Variants in CDH4 observed in about 807,000 individuals in gnomAD.
CDH4 encodes the protein cadherin-4.
A neutral mutation model predicts 86.0 loss-of-function variants in CDH4; 33 were observed. That is an observed-to-expected ratio of 0.38 (90% CI 0.29 to 0.51). The LOEUF (loss-of-function observed/expected upper bound fraction) is 0.51. Ranked by LOEUF, CDH4 falls within the 20% of genes least tolerant of loss-of-function variation. CDH4 has a pLI of 0.86. For synonymous variants in CDH4, 555 were observed against 549.4 expected, an observed-to-expected ratio of 1.01 and a Z score of -0.14; for missense variants, 1,114 against 1,307.4, an observed-to-expected ratio of 0.85 and a Z score of 2.28.
chr20:61,293,377 GT>G (rs2084334218), intron 2 of CDH4, among the ~76,000 whole-genome samples: 1 of 152,076 alleles, frequency 6.6e-6, no homozygotes, highest in Non-Finnish European at 1.5e-5. Flanking sequence ...CCGGTATCTG[GT>G]CCCATGGGTT....
intron 2 of CDH4, among the ~76,000 whole-genome samples, chr20:61,466,861 A>G (rs757630246): frequency 2.0e-5 from 3 of 148,944 alleles, no homozygotes; most frequent in South Asian, 2.2e-4. Context: ...AAATAAATAA[A>G]TAACAAATAA....
intron 2 of CDH4, among the ~76,000 whole-genome samples, chr20:61,364,675 C>A (rs1040852769): frequency 1.3e-5 from 2 of 152,190 alleles, no homozygotes; most frequent in African/African-American, 4.8e-5. Context: ...CAAAGTTGTG[C>A]TTTTTTAAAC....
At chr20:61,514,398 A>G (rs1444968720) in intron 2 of CDH4, among the ~76,000 whole-genome samples, 1 of 150,996 alleles carries the variant, frequency 6.6e-6, no homozygotes, top group Non-Finnish European at 1.5e-5. Context: ...TCTGAAAAAC[A>G]GTTCAGGGAT....
chr20:61,740,665 C>A (rs2145938912), intron 2 of CDH4: 1 of 152,424 alleles, frequency 6.6e-6, no homozygotes, highest in Admixed American at 6.5e-5. Flanking sequence ...CGTATCGTGA[C>A]CTTTGTCCCT....
chr20:61,484,700 C>T (rs2085586448), intron 2 of CDH4, among the ~76,000 whole-genome samples: 1 of 152,162 alleles, frequency 6.6e-6, no homozygotes, highest in Non-Finnish European at 1.5e-5. Context: ...CATCGGATCC[C>T]TAAGACCAGC....
At chr20:61,641,613 A>C (rs2087011148) in intron 2 of CDH4, among the ~76,000 whole-genome samples, 1 of 151,998 alleles carries the variant, frequency 6.6e-6, no homozygotes, top group African/African-American at 2.4e-5. Context: ...TTGGGATCAG[A>C]TGGGGCTGCC....
chr20:61,902,855 T>C lies in CDH4; in HGVS notation c.1189-7567T>C, dbSNP rs931039194. On this transcript the variant is annotated intron_variant, in intron 8 of 15. Transcript: ENST00000614565. This position sits in a 1 kb window ranked among gnomAD's most constrained non-coding sequence, Gnocchi z 4.6. ...TCACCACCTGTCTCAGAGAGCTGAT[T>C]AAAAATCTCACACCACACACAGCAG... Among the ~76,000 whole-genome samples the C allele has an allele frequency of 6.6e-6, 1 of 151,952 alleles. No homozygotes were observed. Among genetic ancestry groups the C allele is most frequent in the Non-Finnish European group, 1.5e-5 (1 of 67,986 alleles).
At chr20:61,602,710 A>AAC (rs1206306737) in intron 2 of CDH4, among the ~76,000 whole-genome samples, 1 of 150,774 alleles carries the variant, frequency 6.6e-6, no homozygotes, top group Non-Finnish European at 1.5e-5. Flanking sequence ...AAAAAAAAAA[A>AAC]AAAAAAAAAA....
intron 4 of CDH4, among the ~76,000 whole-genome samples, chr20:61,792,952 GTGTTTTTTT>G (rs1979283451): frequency 7.6e-6 from 1 of 131,406 alleles, no homozygotes; most frequent in Non-Finnish European, 1.7e-5. Flanking sequence ...CCTGGCCTAT[GTGTTTTTTT>G]TGTTTTTGTT....
chr20:61,855,511 C>T (rs958501920), intron 6 of CDH4, among the ~76,000 whole-genome samples: 3 of 152,208 alleles, frequency 2.0e-5, no homozygotes, highest in Non-Finnish European at 2.9e-5. Context: ...AGGCCAGGCA[C>T]ACTCCTCACA....
Position 61,659,530 on chromosome 20 carries a change from A to G in CDH4, c.170-84033A>G, listed in dbSNP as rs529317563. On this transcript the variant is annotated intron_variant, in intron 2 of 15. Transcript: ENST00000614565. ...AGCGAAGGGTCTCAGCGGCTTGGAG[A>G]CAGGAGGAGGGTGGGCCTCAGGCAT... 8.8e-4 allele frequency among the ~76,000 whole-genome samples: 132 copies of G among 149,204 alleles called. 1 individual carries two copies. Among genetic ancestry groups the G allele is most frequent in the African/African-American group, 2.8e-3 (114 of 40,262 alleles).
chr20:61,325,098 G>A (rs1471970739), intron 2 of CDH4, among the ~76,000 whole-genome samples: 3 of 152,090 alleles, frequency 2.0e-5, no homozygotes, highest in East Asian at 3.9e-4. Context: ...GGGCTATGTG[G>A]ATGTGAGACA....
chr20:61,724,291 A>G (rs991246295), intron 2 of CDH4, among the ~76,000 whole-genome samples: 4 of 152,194 alleles, frequency 2.6e-5, no homozygotes, highest in Non-Finnish European at 4.4e-5. Context: ...TTACCGTGCC[A>G]GCAGCAGGGC....
intron 7 of CDH4, among the ~76,000 whole-genome samples, chr20:61,874,680 T>C (rs903152086): frequency 1.3e-5 from 2 of 152,154 alleles, no homozygotes; most frequent in African/African-American, 2.4e-5. Context: ...CAGCAGCACC[T>C]TGAGTCCCCA....
At chr20:61,646,311 C>T (rs952858752) in intron 2 of CDH4, among the ~76,000 whole-genome samples, 1 of 152,196 alleles carries the variant, frequency 6.6e-6, no homozygotes, top group Non-Finnish European at 1.5e-5. Flanking sequence ...GGCCATCTTC[C>T]GTGAGTGTTT....
chr20:61,630,162 C>A (rs1234461802), intron 2 of CDH4, among the ~76,000 whole-genome samples: 1 of 152,234 alleles, frequency 6.6e-6, no homozygotes, highest in Non-Finnish European at 1.5e-5. Flanking sequence ...TCTTGGACCT[C>A]AGCCACCATC....
chr20:61,292,655 G>T (rs1323554242), intron 2 of CDH4, among the ~76,000 whole-genome samples: 2 of 152,272 alleles, frequency 1.3e-5, no homozygotes, highest in Non-Finnish European at 2.9e-5. Context: ...CTGAGCCTTG[G>T]AAGTGCGGCC....
chr20:61,847,255 A>C (rs1013047507), intron 5 of CDH4, among the ~76,000 whole-genome samples: 8 of 152,224 alleles, frequency 5.3e-5, no homozygotes, highest in African/African-American at 1.4e-4. Context: ...GGGGACCTCC[A>C]GGGCCACCAC....
chr20:61,255,084 C>A, intron 2 of CDH4, 147 bp downstream of exon 2: 1 of 621,462 alleles, frequency 1.6e-6, no homozygotes, highest in Non-Finnish European at 2.9e-6. Context: ...AATTGGTTGA[C>A]CTGAAAGGCG....
Sources: gnomAD v4.1 joint callset for allele counts (sites outside exome capture counted in the v4.1 genomes callset) on GRCh38, gnomAD v4.1.1 for gene constraint, Gnocchi (gnomAD v3.1) non-coding constraint, MANE v1.5 for transcripts, NCBI Gene and HGNC (gene_info 2026-07-23, HGNC 2026-07-21) for gene names.